The following CADM2 variants were observed in gnomAD, a reference collection of about 807,000 sequenced individuals.
CADM2 encodes cell adhesion molecule 2.
In CADM2, 12 loss-of-function variants were observed where a neutral mutation model predicts 49.8. That is an observed-to-expected ratio of 0.24 (90% confidence interval 0.15 to 0.39). CADM2 has a LOEUF of 0.39. Among genes scored for constraint, CADM2 ranks in the 10% least tolerant of loss-of-function variants. The pLI is 1.00. For missense variants in CADM2, 378 were observed against 492.3 expected, an observed-to-expected ratio of 0.77 and a Z score of 2.20; for synonymous variants, 214 against 175.4, an observed-to-expected ratio of 1.22 and a Z score of -1.74.
At chr3:85,194,072 A>C (rs533783357) in intron 1 of CADM2, among the ~76,000 whole-genome samples, 1 of 152,278 alleles carries the variant, frequency 6.6e-6, no homozygotes, top group African/African-American at 2.4e-5. Flanking sequence ...TTCCTAAAGA[A>C]GTAGTTTATG....
In CADM2 at chr3:84,959,233, G is replaced by A; in HGVS notation, c.-375G>A. Reference sequence around the variant, plus strand: ...TACCCACTCCTTGCAGCCCTCGCCCGCACCTTCTCCAACACCCCGGCATCC... The same window carrying A: ...TACCCACTCCTTGCAGCCCTCGCCCACACCTTCTCCAACACCCCGGCATCC... On this transcript the variant is annotated 5_prime_UTR_variant, in exon 1 of 10. Coordinates refer to ENST00000383699, the MANE Select transcript of CADM2 (RefSeq NM_001167675.2). 5.9e-6 allele frequency: 2 copies of A among 338,686 alleles called. No individual in the cohort carries two copies. Among genetic ancestry groups the A allele is most frequent in the Non-Finnish European group, 1.1e-5 (2 of 182,086 alleles). The allele number at this position is 338,686 out of a possible 1,614,324, so 21.0% of individuals were successfully genotyped here.
intron 1 of CADM2, among the ~76,000 whole-genome samples, chr3:85,260,140 C>T (rs2042982477): frequency 1.3e-5 from 2 of 151,750 alleles, no homozygotes; most frequent in Admixed American, 1.3e-4. Flanking sequence ...ATGTAGTTTC[C>T]ACAATCAATG....
chr3:85,583,309 G>T (rs1233367096), intron 1 of CADM2, among the ~76,000 whole-genome samples: 2 of 152,050 alleles, frequency 1.3e-5, no homozygotes, highest in East Asian at 3.9e-4. Context: ...ACCAGGGTTG[G>T]ATATTTTCCT....
chr3:85,938,403 C>T (rs1455734737), intron 7 of CADM2, among the ~76,000 whole-genome samples: 1 of 151,874 alleles, frequency 6.6e-6, no homozygotes, highest in African/African-American at 2.4e-5. Context: ...GAAGTGAAGA[C>T]AGCCACTAAA....
intron 1 of CADM2, among the ~76,000 whole-genome samples, chr3:85,357,093 A>C (rs566475902): frequency 6.6e-6 from 1 of 152,182 alleles, no homozygotes; most frequent in Non-Finnish European, 1.5e-5. Flanking sequence ...TTGTTTTATA[A>C]AAACTAGTCT....
chr3:85,940,027 A>C (rs895673600), intron 7 of CADM2, among the ~76,000 whole-genome samples: 19 of 150,808 alleles, frequency 1.3e-4, no homozygotes, highest in East Asian at 3.9e-4. Flanking sequence ...CAACAACAAA[A>C]AAAAAACAGA....
intron 1 of CADM2, among the ~76,000 whole-genome samples, chr3:85,502,703 T>C (rs750594477): frequency 1.3e-5 from 2 of 152,150 alleles, no homozygotes; most frequent in Non-Finnish European, 2.9e-5. Context: ...GCTGCTCGCA[T>C]GACAAATGTA....
At chr3:85,165,907 G>A (rs1029891906) in intron 1 of CADM2, among the ~76,000 whole-genome samples, 8 of 151,472 alleles carry the variant, frequency 5.3e-5, no homozygotes, top group African/African-American at 1.9e-4. Flanking sequence ...GTATAGTGAT[G>A]TAGCTATATT....
intron 1 of CADM2, among the ~76,000 whole-genome samples, chr3:85,165,360 A>G (rs1316230874): frequency 6.6e-6 from 1 of 151,914 alleles, no homozygotes; most frequent in Non-Finnish European, 1.5e-5. Context: ...GTAATACTTA[A>G]ATTAATGGTC....
At chr3:85,175,981 T>C (rs1395271632) in intron 1 of CADM2, among the ~76,000 whole-genome samples, 1 of 132,870 alleles carries the variant, frequency 7.5e-6, no homozygotes, top group Non-Finnish European at 1.5e-5. Context: ...CAGGCTGGAG[T>C]GCAGTGGCGG....
At chr3:85,429,237 T>A (rs572237780) in intron 1 of CADM2, among the ~76,000 whole-genome samples, 3 of 152,194 alleles carry the variant, frequency 2.0e-5, no homozygotes, top group African/African-American at 7.2e-5. Flanking sequence ...ACGTGTTTAG[T>A]TTCATCATTT....
intron 1 of CADM2, among the ~76,000 whole-genome samples, chr3:85,430,562 A>G (rs930551923): frequency 6.6e-6 from 1 of 151,222 alleles, no homozygotes; most frequent in African/African-American, 2.4e-5. Context: ...GATCATTATG[A>G]CACTATTAGT....
intron 1 of CADM2, among the ~76,000 whole-genome samples, chr3:85,272,725 A>T (rs1334955526): frequency 6.6e-6 from 1 of 151,342 alleles, no homozygotes; most frequent in South Asian, 2.1e-4. Context: ...TCACCAGTTG[A>T]GAATAGGTTC....
intron 1 of CADM2, among the ~76,000 whole-genome samples, chr3:84,987,158 C>T (rs903166203): frequency 6.6e-6 from 1 of 151,974 alleles, no homozygotes; most frequent in South Asian, 2.1e-4. Flanking sequence ...CAGGTTGTGG[C>T]TATGAGTATG....
intron 2 of CADM2, among the ~76,000 whole-genome samples, chr3:85,783,532 G>A (rs1479373182): frequency 6.6e-6 from 1 of 152,142 alleles, no homozygotes; most frequent in Non-Finnish European, 1.5e-5. Context: ...AGTCAGTAGG[G>A]AGAGTTGACG....
chr3:85,248,150 TA>T (rs2042691192), intron 1 of CADM2, among the ~76,000 whole-genome samples: 1 of 152,228 alleles, frequency 6.6e-6, no homozygotes, highest in African/African-American at 2.4e-5. Flanking sequence ...TATTTGGTAT[TA>T]ATTATAACTT....
chr3:85,019,788 C>A (rs780806757), intron 1 of CADM2, among the ~76,000 whole-genome samples: 30 of 152,258 alleles, frequency 2.0e-4, no homozygotes, highest in Non-Finnish European at 2.5e-4. Context: ...TATAAGTTAT[C>A]ACTAAGAGAA....
chr3:85,314,110 G>A (rs1021720793), intron 1 of CADM2, among the ~76,000 whole-genome samples: 5 of 152,012 alleles, frequency 3.3e-5, no homozygotes, highest in Admixed American at 6.6e-5. Context: ...GGATGGTCTC[G>A]ATCTCCCGAC....
intron 1 of CADM2, among the ~76,000 whole-genome samples, chr3:84,961,317 T>C (rs1260029683): frequency 6.6e-6 from 1 of 152,218 alleles, no homozygotes; most frequent in Non-Finnish European, 1.5e-5. Flanking sequence ...AGAATTTTCC[T>C]GAATTAACTA....
Sources: allele counts gnomAD v4.1 joint callset (sites outside exome capture counted in the v4.1 genomes callset), GRCh38; gene constraint gnomAD v4.1.1; transcripts MANE v1.5; gene names NCBI Gene and HGNC (gene_info 2026-07-23, HGNC 2026-07-21).